The following ZSWIM6 variants were observed in gnomAD, a reference collection of about 807,000 sequenced individuals.
The protein encoded by ZSWIM6 is zinc finger SWIM-type containing 6.
ZSWIM6 carries 9 observed loss-of-function variants against 113.2 expected under a neutral mutation model. The observed-to-expected ratio is 0.08, with a 90% CI of 0.05 to 0.14. The LOEUF is 0.14. Ranked by LOEUF, ZSWIM6 falls within the 10% of genes least tolerant of loss-of-function variation. The pLI, the probability that ZSWIM6 is intolerant of heterozygous loss-of-function variation, is 1.00. For missense variants in ZSWIM6, 1,162 were observed against 1,552.2 expected (o/e 0.75, Z 4.22); for synonymous variants, 611 against 606.5 (o/e 1.01, Z -0.11).
At chr5:61,362,658 C>G (rs1421885506) in intron 1 of ZSWIM6, among the ~76,000 whole-genome samples, 2 of 152,198 alleles carry the variant, frequency 1.3e-5, no homozygotes, top group African/African-American at 4.8e-5. Context: ...TCGTCTAAGG[C>G]TGGGCACTTT....
At chr5:61,367,705 A>G (rs1224211081) in intron 1 of ZSWIM6, among the ~76,000 whole-genome samples, 2 of 152,200 alleles carry the variant, frequency 1.3e-5, no homozygotes, top group African/African-American at 2.4e-5. Context: ...GAGAACAGGT[A>G]GATCACAGAG....
intron 1 of ZSWIM6, 46 bp downstream of exon 1, chr5:61,332,994 C>A: frequency 2.4e-6 from 1 of 414,724 alleles, no homozygotes; most frequent in Non-Finnish European, 3.2e-6. Context: ...CCGTCAGTCC[C>A]TGGGTGGGGG....
intron 1 of ZSWIM6, among the ~76,000 whole-genome samples, chr5:61,374,560 A>T (rs900818067): frequency 2.0e-5 from 3 of 151,904 alleles, no homozygotes; most frequent in South Asian, 4.1e-4. Flanking sequence ...TATTTTATTT[A>T]TTTTATTTTT....
At chr5:61,540,617 C>T (rs1182575234) in intron 12 of ZSWIM6, among the ~76,000 whole-genome samples, 5 of 151,890 alleles carry the variant, frequency 3.3e-5, no homozygotes, top group African/African-American at 1.2e-4. Context: ...TAGAAGATTG[C>T]TTTTAAGCTA....
At chr5:61,520,243 A>G (rs889691103) in intron 4 of ZSWIM6, among the ~76,000 whole-genome samples, 1 of 152,236 alleles carries the variant, frequency 6.6e-6, no homozygotes, top group Non-Finnish European at 1.5e-5. Context: ...TGATTAAAAC[A>G]TAAACAGACA....
chr5:61,425,077 A>G (rs1746438102), intron 1 of ZSWIM6, among the ~76,000 whole-genome samples: 1 of 152,172 alleles, frequency 6.6e-6, no homozygotes, highest in South Asian at 2.1e-4. Flanking sequence ...TTTGTGCCTC[A>G]GTTTCCTCAC....
Position 61,538,911 on chromosome 5 carries a change from C to G in ZSWIM6, c.2479C>G (p.Leu827Val), listed in dbSNP as rs1482600302. 6.4e-7 allele frequency: 1 copy of G among 1,552,244 alleles called. No homozygotes were observed. Among genetic ancestry groups the G allele is most frequent in the Non-Finnish European group, 8.7e-7 (1 of 1,147,112 alleles). Reference sequence around the variant, plus strand: ...CAACCGCTACCCTCGCTGGTTCACTCTAAGCCACATTGAGTCCCAGCAGTG... The same window carrying G: ...CAACCGCTACCCTCGCTGGTTCACTGTAAGCCACATTGAGTCCCAGCAGTG... The part of the protein sequence containing the change: ...VPNRYPRWFT[L>V]SHIESQQCEL... The change falls in exon 11 of 14, where the codon CTA (leucine) becomes GTA (valine). Residue 827 changes from leucine to valine, a missense_variant. This residue lies in a region of ZSWIM6 where 620 missense variants were observed against 804.6 expected (regional missense o/e 0.77). Transcript: ENST00000252744.
chr5:61,462,770 C>G (rs936986252), intron 1 of ZSWIM6, among the ~76,000 whole-genome samples: 1 of 152,234 alleles, frequency 6.6e-6, no homozygotes, highest in Non-Finnish European at 1.5e-5. Context: ...TTTGTCCTTA[C>G]AGCTGTCCTA....
chr5:61,402,923 T>G (rs1197880685), intron 1 of ZSWIM6, among the ~76,000 whole-genome samples: 1 of 152,236 alleles, frequency 6.6e-6, no homozygotes, highest in Non-Finnish European at 1.5e-5. Flanking sequence ...ATTCACTAAT[T>G]GCTAATGATT....
intron 1 of ZSWIM6, among the ~76,000 whole-genome samples, chr5:61,427,381 G>A (rs1162714555): frequency 2.6e-5 from 4 of 152,118 alleles, no homozygotes; most frequent in African/African-American, 9.7e-5. Flanking sequence ...CTAATAGAAT[G>A]CCTACACATA....
At position 61,366,861 on chromosome 5, in the gene ZSWIM6, C is replaced by T. The variant is rs1471646214; in HGVS notation, c.676+33913C>T. 2.7e-5 allele frequency among the ~76,000 whole-genome samples: 4 copies of T among 147,758 alleles called. No homozygotes were observed. The East Asian group carries it at 6.0e-4, about 22-fold the overall frequency. On this transcript the variant is annotated intron_variant, in intron 1 of 13. Transcript: ENST00000252744. Reference sequence around the variant, plus strand: ...AGAGTATTGCTGGAACCCAGGAGGTCGAGGCTGCATGAGCCATAATCTTGC... The same window carrying T: ...AGAGTATTGCTGGAACCCAGGAGGTTGAGGCTGCATGAGCCATAATCTTGC...
At chr5:61,361,076 G>C (rs1046164898) in intron 1 of ZSWIM6, among the ~76,000 whole-genome samples, 4 of 152,132 alleles carry the variant, frequency 2.6e-5, no homozygotes, top group Non-Finnish European at 5.9e-5. Flanking sequence ...TTGTGGGGGA[G>C]GGGGGTAAAG....
intron 1 of ZSWIM6, among the ~76,000 whole-genome samples, chr5:61,463,332 A>G (rs1747356140): frequency 6.6e-6 from 1 of 152,232 alleles, no homozygotes; most frequent in Non-Finnish European, 1.5e-5. Context: ...TTTTAATATC[A>G]TGAGTTATAC....
chr5:61,386,070 G>C (rs1332573644), intron 1 of ZSWIM6, among the ~76,000 whole-genome samples: 1 of 152,136 alleles, frequency 6.6e-6, no homozygotes, highest in African/African-American at 2.4e-5. Context: ...TCTGCATTTG[G>C]TTTTCATATA....
chr5:61,424,851 CT>C (rs1446993032), intron 1 of ZSWIM6, among the ~76,000 whole-genome samples: 1 of 151,692 alleles, frequency 6.6e-6, no homozygotes, highest in Non-Finnish European at 1.5e-5. Flanking sequence ...CCTCAGCCTC[CT>C]GGATAGCTGG....
intron 7 of ZSWIM6, among the ~76,000 whole-genome samples, chr5:61,529,374 G>A (rs1315140311): frequency 6.6e-6 from 1 of 152,164 alleles, no homozygotes; most frequent in East Asian, 1.9e-4. Context: ...AAATGAAAAG[G>A]ATTATTTCGT....
intron 1 of ZSWIM6, among the ~76,000 whole-genome samples, chr5:61,400,817 G>A (rs1312366236): frequency 1.3e-5 from 2 of 152,132 alleles, no homozygotes; most frequent in African/African-American, 4.8e-5. Context: ...ATGTTGACCA[G>A]GGCAACATGA....
At chr5:61,420,659 ATTAATTT>A (rs989850758) in intron 1 of ZSWIM6, among the ~76,000 whole-genome samples, 75 of 152,234 alleles carry the variant, frequency 4.9e-4, no homozygotes, top group African/African-American at 1.6e-3. Flanking sequence ...TATAATGATG[ATTAATTT>A]TTAATTTTTA....
chr5:61,439,481 G>C (rs1250447209), intron 1 of ZSWIM6, among the ~76,000 whole-genome samples: 1 of 152,178 alleles, frequency 6.6e-6, no homozygotes, highest in Non-Finnish European at 1.5e-5. Flanking sequence ...AGTACATGTA[G>C]AACAATGCAT....
Sources: gnomAD v4.1 joint callset for allele counts (sites outside exome capture counted in the v4.1 genomes callset) on GRCh38, gnomAD v4.1.1 for gene constraint, gnomAD v4.1.1 regional missense constraint, MANE v1.5 for transcripts, NCBI Gene and HGNC (gene_info 2026-07-23, HGNC 2026-07-21) for gene names.